Variants in MALRD1 observed in about 807,000 individuals in gnomAD.
The protein encoded by MALRD1 is MAM and LDL-receptor class A domain-containing protein 1.
In MALRD1, 247 loss-of-function variants were observed where a neutral mutation model predicts 242.1. The observed-to-expected ratio is 1.02, with a 90% CI of 0.92 to 1.13. The LOEUF (loss-of-function observed/expected upper bound fraction) is 1.13, where lower values mean the gene tolerates loss of function less well. Ranked by LOEUF, MALRD1 falls within the 50% of genes most tolerant of loss-of-function variation. The probability of loss-of-function intolerance (pLI) is 0.00; values close to 1 mark genes in which losing one functional copy is unlikely to be tolerated. For synonymous variants in MALRD1, 995 were observed against 866.6 expected, an observed-to-expected ratio of 1.15 and a Z score of -2.60; for missense variants, 2,989 against 2,533.1, an observed-to-expected ratio of 1.18 and a Z score of -3.86.
chr10:19,074,135 GT>G (rs1564374447), intron 2 of MALRD1, among the ~76,000 whole-genome samples: 2 of 152,020 alleles, frequency 1.3e-5, no homozygotes, highest in African/African-American at 4.8e-5. Flanking sequence ...TCCTCCAAAG[GT>G]TACTAATTTT....
chr10:19,065,653 A>G (rs913945053), intron 1 of MALRD1, among the ~76,000 whole-genome samples: 2 of 152,132 alleles, frequency 1.3e-5, no homozygotes, highest in Non-Finnish European at 2.9e-5. Context: ...GAGATCATCT[A>G]TTTTTAGAAT....
At position 19,205,064 on chromosome 10, in the gene MALRD1, G is replaced by C. The variant is rs4601653; in HGVS notation, c.2377G>C (p.Asp793His). The C allele has an allele frequency of 0.14, 218,351 of 1,550,596 alleles. 16,518 individuals carry two copies. The highest frequency in any genetic ancestry group is 0.19 in the Middle Eastern group (1,124 of 5,992). Residue 793 changes from aspartate (D) to histidine (H), a missense_variant, in exon 17 of 40, where the codon GAT (aspartate) becomes CAT (histidine). Physicochemically the swap from Asp to His is moderately conservative, Grantham distance 81 (BLOSUM62 -1). Coordinates refer to ENST00000454679, the MANE Select transcript of MALRD1 (RefSeq NM_001142308.3). ...TTCGCAGCCCTTCCATTTGTCACTAGATAAAGTCAGTCTGGGCATTTATGA... is the reference window on the plus strand; with the variant it reads ...TTCGCAGCCCTTCCATTTGTCACTACATAAAGTCAGTCTGGGCATTTATGA... ...RLSQPFHLSLDKVSLGIYDGV... is the reference protein window; with the variant it reads ...RLSQPFHLSLHKVSLGIYDGV...
intron 28 of MALRD1, among the ~76,000 whole-genome samples, chr10:19,419,821 C>T (rs1833651182): frequency 6.6e-6 from 1 of 152,024 alleles, no homozygotes; most frequent in Admixed American, 6.6e-5. Flanking sequence ...TTTTCTTATT[C>T]GTAAAGCTTA....
At chr10:19,281,427 A>G (rs1177806592) in intron 20 of MALRD1, among the ~76,000 whole-genome samples, 1 of 152,220 alleles carries the variant, frequency 6.6e-6, no homozygotes, top group Admixed American at 6.5e-5. Context: ...TTGCCGTTTT[A>G]GTGATGTCGT....
At chr10:19,241,973 A>G (rs1838802448) in intron 18 of MALRD1, among the ~76,000 whole-genome samples, 2 of 152,134 alleles carry the variant, frequency 1.3e-5, no homozygotes, top group South Asian at 2.1e-4. Flanking sequence ...ATGTGTCATA[A>G]TGTATGATTG....
intron 26 of MALRD1, among the ~76,000 whole-genome samples, chr10:19,367,890 G>A (rs574143363): frequency 2.6e-5 from 4 of 151,968 alleles, no homozygotes; most frequent in African/African-American, 9.6e-5. Context: ...ACAATTGTTG[G>A]CCATTTCTGT....
At position 19,146,285 on chromosome 10, in the gene MALRD1, G is replaced by A; in HGVS notation, c.1499G>A (p.Gly500Glu). 8.1e-7 allele frequency: 1 copy of A among 1,231,600 alleles called. No homozygotes were observed. Among genetic ancestry groups the A allele is most frequent in the Non-Finnish European group, 1.0e-6 (1 of 987,918 alleles). The allele number at this position is 1,231,600 out of a possible 1,614,324, so 76.3% of individuals were successfully genotyped here. A position where few individuals can be genotyped will look rare whatever the true frequency, so the allele number is the denominator to read the frequency against. Residue 500 changes from glycine to glutamate, a missense_variant, in exon 11 of 40, where the codon GGA becomes GAA. By Grantham distance (98) the Gly-to-Glu change is moderately conservative (BLOSUM62 -2). Coordinates refer to ENST00000454679, the MANE Select transcript of MALRD1 (RefSeq NM_001142308.3). ...TEDSHWKLMK[G>E]LNNGEHHFPA... ...GATTCACACTGGAAGCTGATGAAAG[G>A]ATTGAATAATGGAGAGCACCACTTT...
intron 32 of MALRD1, among the ~76,000 whole-genome samples, chr10:19,535,031 A>C (rs1031939390): frequency 6.6e-6 from 1 of 152,004 alleles, no homozygotes; most frequent in African/African-American, 2.4e-5. Flanking sequence ...GATTACAGGC[A>C]GGTGCCACCA....
chr10:19,337,383 T>G (rs1456785484), intron 24 of MALRD1, among the ~76,000 whole-genome samples: 2 of 152,224 alleles, frequency 1.3e-5, no homozygotes, highest in African/African-American at 4.8e-5. Context: ...TCAAGCAAAT[T>G]TTTGAAGGAG....
intron 18 of MALRD1, among the ~76,000 whole-genome samples, chr10:19,214,655 C>T (rs1299690759): frequency 1.3e-5 from 2 of 152,178 alleles, no homozygotes; most frequent in East Asian, 3.9e-4. Context: ...GTTTTCATCT[C>T]TAAAGAACTG....
intron 5 of MALRD1, among the ~76,000 whole-genome samples, chr10:19,116,097 A>G (rs1836861589): frequency 6.6e-6 from 1 of 152,090 alleles, no homozygotes; most frequent in Non-Finnish European, 1.5e-5. Context: ...TATTGAAAAG[A>G]GGATCACTTT....
intron 27 of MALRD1, among the ~76,000 whole-genome samples, chr10:19,388,881 G>GAAAAA (rs11405183): frequency 8.5e-6 from 1 of 117,148 alleles, no homozygotes. Context: ...TAGGTCTACT[G>GAAAAA]AAAAAAAAAA....
At chr10:19,338,060 CAAA>C (rs34978144) in intron 24 of MALRD1, among the ~76,000 whole-genome samples, 10 of 138,038 alleles carry the variant, frequency 7.2e-5, no homozygotes, top group African/African-American at 7.9e-5. Flanking sequence ...GATTCTGTCT[CAAA>C]AAAAAAAAAA....
chr10:19,145,347 G>A lies in MALRD1; in HGVS notation c.1412-851G>A, dbSNP rs566011933. Among the ~76,000 whole-genome samples, 10 of 152,178 alleles carry A rather than the reference G, an allele frequency of 6.6e-5. No homozygotes were observed. In the East Asian group the frequency reaches 1.4e-3, roughly 21 times the overall value. ...TGGCAACTTTTGAGTTATGTATTAA[G>A]AGAAGACAGGCTCAGGCTGGGCACA... On this transcript the variant is annotated intron_variant, in intron 10 of 39. Coordinates refer to ENST00000454679, the MANE Select transcript of MALRD1 (RefSeq NM_001142308.3).
At chr10:19,276,238 A>G (rs912065716) in intron 19 of MALRD1, among the ~76,000 whole-genome samples, 2 of 152,162 alleles carry the variant, frequency 1.3e-5, no homozygotes, top group African/African-American at 4.8e-5. Flanking sequence ...TCCAGATGCC[A>G]TTTTTGATAT....
chr10:19,575,247 C>A lies in MALRD1; in HGVS notation c.5680+7544C>A, dbSNP rs143740236. Among the ~76,000 whole-genome samples, 186 of 152,172 alleles carry A rather than the reference C, an allele frequency of 1.2e-3. 1 individual carries two copies. The Middle Eastern group carries it at 0.017, about 14-fold the overall frequency. On this transcript the variant is annotated intron_variant, in intron 33 of 39. Coordinates refer to ENST00000454679, the MANE Select transcript of MALRD1 (RefSeq NM_001142308.3). Reference sequence around the variant, plus strand: ...GACCAACTATTGGTATAAGCAAGACCCAGTAGGGCTAAACAAACCCCCAGT... The same window carrying A: ...GACCAACTATTGGTATAAGCAAGACACAGTAGGGCTAAACAAACCCCCAGT...
At chr10:19,523,261 A>G (rs1217477443) in intron 31 of MALRD1, among the ~76,000 whole-genome samples, 2 of 152,192 alleles carry the variant, frequency 1.3e-5, no homozygotes, top group Admixed American at 6.5e-5. Context: ...CCAGTGGACA[A>G]TCCTGCCTAC....
chr10:19,473,296 A>T (rs549524623), intron 29 of MALRD1, among the ~76,000 whole-genome samples: 10 of 151,976 alleles, frequency 6.6e-5, no homozygotes, highest in African/African-American at 2.2e-4. Context: ...GGTAATTTTT[A>T]AAAAAGTATT....
intron 34 of MALRD1, among the ~76,000 whole-genome samples, chr10:19,603,043 G>T (rs1385407393): frequency 1.3e-5 from 2 of 151,620 alleles, no homozygotes; most frequent in Non-Finnish European, 2.9e-5. Flanking sequence ...TGATGGGGTT[G>T]TTTTTTTTCT....
Sources: allele counts gnomAD v4.1 joint callset (sites outside exome capture counted in the v4.1 genomes callset), GRCh38; gene constraint gnomAD v4.1.1; transcripts MANE v1.5; gene names NCBI Gene and HGNC (gene_info 2026-07-23, HGNC 2026-07-21).